Variants in CNTN5 observed in about 807,000 individuals in gnomAD.
CNTN5 encodes contactin-5.
Under a neutral mutation model 129.1 loss-of-function variants are expected in CNTN5, and 77 were observed. The observed-to-expected ratio is 0.60, with a 90% CI of 0.50 to 0.72. CNTN5 has a LOEUF of 0.72. Among genes scored for constraint, CNTN5 ranks in the 30% least tolerant of loss-of-function variants. The probability of loss-of-function intolerance (pLI) is 0.00; values close to 1 mark genes in which losing one functional copy is unlikely to be tolerated. For synonymous variants in CNTN5, 509 were observed against 465.6 expected (o/e 1.09, Z -1.20); for missense variants, 1,478 against 1,328.8 (o/e 1.11, Z -1.75).
chr11:99,080,980 G>GTTGT (rs1865766640), intron 1 of CNTN5, among the ~76,000 whole-genome samples: 3 of 112,462 alleles, frequency 2.7e-5, no homozygotes, highest in Non-Finnish European at 5.4e-5. Flanking sequence ...TGAGAAATCA[G>GTTGT]TTTTTTTTTT....
chr11:99,647,297 G>A (rs1477782809), intron 3 of CNTN5, among the ~76,000 whole-genome samples: 3 of 151,992 alleles, frequency 2.0e-5, no homozygotes, highest in Non-Finnish European at 2.9e-5. Context: ...TAAAGAGACT[G>A]TACTTTCCCC....
chr11:99,026,308 C>A (rs1266964203), intron 1 of CNTN5, among the ~76,000 whole-genome samples: 1 of 151,418 alleles, frequency 6.6e-6, no homozygotes, highest in Non-Finnish European at 1.5e-5. Context: ...ATATTCTTTT[C>A]TAAAAGATAT....
chr11:99,908,508 G>T (rs1374480743), intron 6 of CNTN5, among the ~76,000 whole-genome samples: 1 of 151,826 alleles, frequency 6.6e-6, no homozygotes, highest in African/African-American at 2.4e-5. Context: ...AGACTGATCT[G>T]AATTTGGAAA....
chr11:99,927,114 C>G (rs1056833200), intron 7 of CNTN5, among the ~76,000 whole-genome samples: 1 of 152,146 alleles, frequency 6.6e-6, no homozygotes, highest in Admixed American at 6.6e-5. Context: ...TATTTGGACA[C>G]AGAGAGCTCT....
intron 2 of CNTN5, among the ~76,000 whole-genome samples, chr11:99,425,375 C>G (rs1943073998): frequency 6.6e-6 from 1 of 152,240 alleles, no homozygotes; most frequent in Non-Finnish European, 1.5e-5. Flanking sequence ...CTGTCTGTCT[C>G]CTGCCATCAA....
chr11:99,326,778 G>A (rs933857085), intron 2 of CNTN5, among the ~76,000 whole-genome samples: 1 of 152,072 alleles, frequency 6.6e-6, no homozygotes, highest in Admixed American at 6.6e-5. Flanking sequence ...GGAAGGGGAA[G>A]TATCTAACAG....
chr11:99,693,808 TAACTC>T (rs760327554), intron 3 of CNTN5, among the ~76,000 whole-genome samples: 27 of 152,276 alleles, frequency 1.8e-4, no homozygotes, highest in Non-Finnish European at 2.8e-4. Context: ...AAGTTCAGCT[TAACTC>T]AACAAGTATT....
intron 4 of CNTN5, among the ~76,000 whole-genome samples, chr11:99,822,216 ACT>A (rs1338135815): frequency 2.0e-5 from 3 of 152,112 alleles, no homozygotes; most frequent in Non-Finnish European, 2.9e-5. Flanking sequence ...AAATATAAAG[ACT>A]CAGCTTACAG....
At chr11:99,942,238 T>C (rs901695873) in intron 7 of CNTN5, among the ~76,000 whole-genome samples, 1 of 152,002 alleles carries the variant, frequency 6.6e-6, no homozygotes, top group Admixed American at 6.6e-5. Flanking sequence ...TAGATGAGTA[T>C]GTGATCTGGT....
At chr11:99,153,064 T>TGCCTTTA (rs1860148815) in intron 1 of CNTN5, among the ~76,000 whole-genome samples, 1 of 152,200 alleles carries the variant, frequency 6.6e-6, no homozygotes, top group Non-Finnish European at 1.5e-5. Flanking sequence ...TCTCTCTAGC[T>TGCCTTTA]GCCTTTAACA....
In CNTN5 at chr11:99,504,596, A is replaced by G. The variant is rs57753309; in HGVS notation, c.-70-51549A>G. ...ATTTTACATTTGAGACACACTAACA[A>G]TTCAGTTGTCTGATTTAATATTTCT... On this transcript the variant is annotated intron_variant, in intron 2 of 24. Transcript: ENST00000524871. 6.2e-3 allele frequency among the ~76,000 whole-genome samples: 945 copies of G among 152,140 alleles called. 8 individuals are homozygous for G. The highest frequency in any genetic ancestry group is 0.021 in the African/African-American group (889 of 41,504).
At chr11:99,602,814 G>A (rs1950357284) in intron 3 of CNTN5, among the ~76,000 whole-genome samples, 3 of 145,172 alleles carry the variant, frequency 2.1e-5, no homozygotes, top group African/African-American at 7.7e-5. Flanking sequence ...AGCCTAACTG[G>A]GAGGCACCCC....
At chr11:99,789,063 G>T (rs911101297) in intron 3 of CNTN5, among the ~76,000 whole-genome samples, 8 of 151,552 alleles carry the variant, frequency 5.3e-5, no homozygotes, top group African/African-American at 1.9e-4. Context: ...AATCTCTACT[G>T]TTCTAAGAAA....
chr11:99,549,754 G>T (rs1392999682), intron 2 of CNTN5, among the ~76,000 whole-genome samples: 1 of 152,058 alleles, frequency 6.6e-6, no homozygotes, highest in Non-Finnish European at 1.5e-5. Context: ...GTGGAGTCGT[G>T]AGCCATAGTT....
At chr11:100,086,943 G>T (rs755925651) in intron 13 of CNTN5, among the ~76,000 whole-genome samples, 1 of 151,560 alleles carries the variant, frequency 6.6e-6, no homozygotes, top group African/African-American at 2.4e-5. Flanking sequence ...AAATGAATGA[G>T]CTGAGCTTCT....
chr11:99,186,987 C>CA (rs1170060928), intron 1 of CNTN5, among the ~76,000 whole-genome samples: 2 of 151,820 alleles, frequency 1.3e-5, no homozygotes, highest in African/African-American at 4.8e-5. Context: ...GTCAAATGGA[C>CA]AATGAGAGCT....
chr11:99,767,206 C>A (rs1265837993), intron 3 of CNTN5, among the ~76,000 whole-genome samples: 2 of 152,014 alleles, frequency 1.3e-5, no homozygotes, highest in Non-Finnish European at 2.9e-5. Flanking sequence ...ACCACTATAA[C>A]ATACATTCAC....
At chr11:99,205,111 C>A (rs1202988925) in intron 1 of CNTN5, among the ~76,000 whole-genome samples, 2 of 151,968 alleles carry the variant, frequency 1.3e-5, no homozygotes, top group African/African-American at 4.8e-5. Flanking sequence ...GTAGTATGAA[C>A]ACTTTGCTTC....
chr11:99,263,172 A>G (rs756693604), intron 1 of CNTN5, among the ~76,000 whole-genome samples: 1 of 152,062 alleles, frequency 6.6e-6, no homozygotes, highest in Non-Finnish European at 1.5e-5. Flanking sequence ...GATGGTTTTT[A>G]TGTGTCTTCT....
Sources: gnomAD v4.1 joint callset for allele counts (sites outside exome capture counted in the v4.1 genomes callset) on GRCh38, gnomAD v4.1.1 for gene constraint, MANE v1.5 for transcripts, NCBI Gene and HGNC (gene_info 2026-07-23, HGNC 2026-07-21) for gene names.